Variants in TLR8 observed in about 807,000 individuals in gnomAD.
TLR8 encodes toll-like receptor 8.
TLR8 carries 5 observed loss-of-function variants against 18.5 expected under a neutral mutation model. The observed-to-expected ratio is 0.27, with a 90% CI of 0.14 to 0.57. The LOEUF (loss-of-function observed/expected upper bound fraction) is 0.57, where lower values mean the gene tolerates loss of function less well. TLR8 is among the 20% of genes least tolerant of loss of function. The pLI is 0.92. For missense variants in TLR8, 543 were observed against 769.8 expected (o/e 0.71, Z 3.49); for synonymous variants, 299 against 300.1 (o/e 1.00, Z 0.04).
At chrX:12,910,464 G>A in intron 1 of TLR8, 1 of 1,164,895 alleles carries the variant, frequency 8.6e-7, no homozygotes, top group Non-Finnish European at 1.1e-6. Context: ...TTAATTCCAG[G>A]AAGACAGCTT....
chrX:12,915,376 G>C (rs1452573989), intron 1 of TLR8, among the ~76,000 whole-genome samples: 3 of 112,133 alleles, frequency 2.7e-5, no homozygotes, highest in East Asian at 2.8e-4. Context: ...ACATGGCCCA[G>C]TCTGGTGTCC....
At chrX:12,917,617 C>T (rs1263674351) in intron 1 of TLR8, among the ~76,000 whole-genome samples, 1 of 112,178 alleles carries the variant, frequency 8.9e-6, no homozygotes, top group Non-Finnish European at 1.9e-5. Flanking sequence ...AAACCTACCA[C>T]ATTAATCTGT....
intron 1 of TLR8, among the ~76,000 whole-genome samples, chrX:12,912,596 C>T (rs752881599): frequency 4.4e-5 from 5 of 113,611 alleles, no homozygotes; most frequent in Non-Finnish European, 7.5e-5. Flanking sequence ...CTGCAAGCAA[C>T]CTGCTCACCA....
chrX:12,919,273 T>C lies in TLR8; in HGVS notation c.233T>C (p.Ile78Thr). 4.1e-6 allele frequency: 5 copies of C among 1,211,891 alleles called. No individual in the cohort carries two copies. Among genetic ancestry groups the C allele is most frequent in the Non-Finnish European group, 5.6e-6 (5 of 895,563 alleles). ...LDLSDNFITH[I>T]TNESFQGLQN... is the part of the protein sequence containing the mutation. ...CTGTCTGATAATTTCATCACACACA[T>C]AACGAATGAATCATTTCAAGGGCTG... Residue 78 changes from isoleucine to threonine, a missense_variant, in exon 2 of 2, where the codon ATA (isoleucine) becomes ACA (threonine). Around this residue, in one of 4 missense-constraint regions of TLR8, gnomAD observed 117 missense variants for 111.0 expected, o/e 1.05. Coordinates refer to ENST00000218032, the MANE Select transcript of TLR8 (RefSeq NM_138636.5).
intron 1 of TLR8, among the ~76,000 whole-genome samples, chrX:12,913,320 C>T (rs1472266377): frequency 9.0e-6 from 1 of 111,650 alleles, no homozygotes; most frequent in East Asian, 2.8e-4. Context: ...GATAAGTCCC[C>T]GCCCAGGGAC....
intron 1 of TLR8, among the ~76,000 whole-genome samples, chrX:12,913,450 G>A (rs1389290620): frequency 8.9e-6 from 1 of 112,545 alleles, no homozygotes; most frequent in Non-Finnish European, 1.9e-5. Flanking sequence ...TGTTTTATCT[G>A]CAACTCAAAT....
Position 12,922,424 on chromosome X carries a change from T to C in TLR8, c.*258T>C, listed in dbSNP as rs2147260189. On this transcript the variant is annotated 3_prime_UTR_variant, in exon 2 of 2. Coordinates refer to ENST00000218032, the MANE Select transcript of TLR8 (RefSeq NM_138636.5). Reference sequence around the variant, plus strand: ...CTGGGGTCACACTCATGTGGTTGTTTTCTGGATTCAATTCCTCCTGGGCTA... The same window carrying C: ...CTGGGGTCACACTCATGTGGTTGTTCTCTGGATTCAATTCCTCCTGGGCTA... The C allele has an allele frequency of 2.9e-6, 1 of 341,464 alleles. No homozygotes were observed. Among genetic ancestry groups the C allele is most frequent in the East Asian group, 4.9e-5 (1 of 20,470 alleles). The allele number at this position is 341,464 out of a possible 1,213,427, so 28.1% of individuals were successfully genotyped here. A position where few individuals can be genotyped will look rare whatever the true frequency, so the allele number is the denominator to read the frequency against.
chrX:12,922,049 G>A lies in TLR8; in HGVS notation c.3009G>A (p.Gln1003=). The part of the protein sequence containing the change: ...RQRICKSSIL[Q]WPDNPKAEGL... ...GGATCTGTAAGAGCTCCATCCTCCA[G>A]TGGCCTGACAACCCGAAGGCAGAAG... The change falls in exon 2 of 2, where the codon CAG becomes CAA. Residue 1003 remains glutamine, a synonymous_variant. Transcript: ENST00000218032. The A allele has an allele frequency of 8.3e-7, 1 of 1,211,730 alleles. No homozygotes were observed. The highest frequency in any genetic ancestry group is 1.1e-6 in the Non-Finnish European group (1 of 895,532).
At position 12,921,435 on chromosome X, in the gene TLR8, G is replaced by T. The variant is rs369919085; in HGVS notation, c.2395G>T (p.Val799Leu). The T allele has an allele frequency of 8.3e-6, 10 of 1,210,403 alleles. No homozygotes were observed. The highest frequency in any genetic ancestry group is 1.8e-5 in the South Asian group (1 of 56,865). ...EHLNVKIPRL[V>L]DVICASPGDQ... ...TCTGAATGTCAAAATTCCCAGACTG[G>T]TAGATGTCATTTGTGCCAGTCCTGG... Residue 799 changes from valine (V) to leucine (L), a missense_variant, in exon 2 of 2, where the codon GTA becomes TTA. This residue lies in a region of TLR8 where 227 missense variants were observed against 312.9 expected (regional missense o/e 0.73). Transcript: ENST00000218032.
intron 1 of TLR8, among the ~76,000 whole-genome samples, chrX:12,913,547 G>A (rs898283681): frequency 2.7e-5 from 3 of 112,526 alleles, no homozygotes; most frequent in Non-Finnish European, 3.8e-5. Flanking sequence ...TTGCCACATG[G>A]TATTTCATTG....
chrX:12,918,871 T>C (rs193049306), intron 1 of TLR8, among the ~76,000 whole-genome samples, 173 bp from the exon 2 acceptor site: 2 of 111,939 alleles, frequency 1.8e-5, no homozygotes, highest in African/African-American at 6.5e-5. Flanking sequence ...AAGCTGAACA[T>C]AGTAAAAAAG....
chrX:12,912,580 A>G (rs1357515620), intron 1 of TLR8, among the ~76,000 whole-genome samples: 1 of 113,489 alleles, frequency 8.8e-6, no homozygotes, highest in African/African-American at 3.2e-5. Flanking sequence ...AGTCTCCCCA[A>G]CTTCTCTGCA....
Position 12,922,209 on chromosome X carries a change from G to A in TLR8, c.*43G>A. Reference sequence around the variant, plus strand: ...TTTCGCGCCATAATAAAGATGCAAAGGAATGACATTTCTGTATTAGTTATC... The same window carrying A: ...TTTCGCGCCATAATAAAGATGCAAAAGAATGACATTTCTGTATTAGTTATC... On this transcript the variant is annotated 3_prime_UTR_variant, in exon 2 of 2. Coordinates refer to ENST00000218032, the MANE Select transcript of TLR8 (RefSeq NM_138636.5). 1 of 1,148,160 alleles carries A rather than the reference G, an allele frequency of 8.7e-7. No homozygotes were observed. Among genetic ancestry groups the A allele is most frequent in the South Asian group, 2.1e-5 (1 of 48,356 alleles). 94.6% of individuals were successfully genotyped at this position (1,148,160 alleles called of 1,213,427 possible). A position where few individuals can be genotyped will look rare whatever the true frequency, so the allele number is the denominator to read the frequency against.
Position 12,922,417 on chromosome X carries a change from G to A in TLR8, c.*251G>A. On this transcript the variant is annotated 3_prime_UTR_variant, in exon 2 of 2. Coordinates refer to ENST00000218032, the MANE Select transcript of TLR8 (RefSeq NM_138636.5). ...GGCATCACTGGGGTCACACTCATGT[G>A]GTTGTTTTCTGGATTCAATTCCTCC... 1 of 347,575 alleles carries A rather than the reference G, an allele frequency of 2.9e-6. No homozygotes were observed. Among genetic ancestry groups the A allele is most frequent in the Non-Finnish European group, 5.0e-6 (1 of 201,952 alleles). The allele number at this position is 347,575 out of a possible 1,213,427, so 28.6% of individuals were successfully genotyped here.
intron 1 of TLR8, among the ~76,000 whole-genome samples, chrX:12,912,062 CTCTT>C (rs1465751191): frequency 1.9e-4 from 20 of 105,452 alleles, no homozygotes; most frequent in Non-Finnish European, 2.6e-4. Context: ...TGCTCTCTCA[CTCTT>C]TCTTTCTCTC....
chrX:12,914,865 G>A (rs996301173), intron 1 of TLR8, among the ~76,000 whole-genome samples: 5 of 111,342 alleles, frequency 4.5e-5, no homozygotes, highest in African/African-American at 1.6e-4. Context: ...TTGGGGAGAC[G>A]TTGGTAATAG....
At position 12,919,127 on chromosome X, in the gene TLR8, T is replaced by G; in HGVS notation, c.87T>G (p.Asn29Lys). 1.7e-6 allele frequency: 2 copies of G among 1,211,466 alleles called. No individual in the cohort carries two copies. Among genetic ancestry groups the G allele is most frequent in the South Asian group, 1.8e-5 (1 of 56,973 alleles). The change falls in exon 2 of 2, where the codon AAT becomes AAG. Residue 29 changes from asparagine (N) to lysine (K), a missense_variant. By Grantham distance (94) the Asn-to-Lys change is moderately conservative (BLOSUM62 0). Coordinates refer to ENST00000218032, the MANE Select transcript of TLR8 (RefSeq NM_138636.5). The stretch of plus-strand genomic sequence containing the variant: ...CCTGTGAGTTATGCGCCGAAGAAAA[T>G]TTTTCTAGAAGCTATCCTTGTGATG... ...SGSCELCAEENFSRSYPCDEK... is the reference protein window; with the variant it reads ...SGSCELCAEEKFSRSYPCDEK...
chrX:12,913,058 T>G (rs2043031820), intron 1 of TLR8, among the ~76,000 whole-genome samples: 1 of 112,530 alleles, frequency 8.9e-6, no homozygotes, highest in East Asian at 2.8e-4. Context: ...GGGAGTGGTC[T>G]GGAATCTGGC....
chrX:12,909,883 G>A (rs1316418001), intron 1 of TLR8, among the ~76,000 whole-genome samples: 2 of 111,697 alleles, frequency 1.8e-5, no homozygotes, highest in African/African-American at 6.5e-5. Flanking sequence ...TTTTGTTTCT[G>A]AGGATTAAAC....
Sources: gnomAD v4.1 joint callset for allele counts (sites outside exome capture counted in the v4.1 genomes callset) on GRCh38, gnomAD v4.1.1 for gene constraint, gnomAD v4.1.1 regional missense constraint, MANE v1.5 for transcripts, NCBI Gene and HGNC (gene_info 2026-07-23, HGNC 2026-07-21) for gene names.